The following EIF3H variants were observed in gnomAD, a reference collection of about 807,000 sequenced individuals.
EIF3H encodes the protein eIF-3-gamma.
A neutral mutation model predicts 44.2 loss-of-function variants in EIF3H; 26 were observed. That is an observed-to-expected ratio of 0.59 (90% confidence interval 0.43 to 0.82). The LOEUF is 0.82. Among genes scored for constraint, EIF3H ranks in the 40% least tolerant of loss-of-function variants. EIF3H has a pLI of 0.00. For missense variants in EIF3H, 359 were observed against 432.8 expected (o/e 0.83, Z 1.51); for synonymous variants, 166 against 151.9 (o/e 1.09, Z -0.68).
intron 1 of EIF3H, among the ~76,000 whole-genome samples, chr8:116,748,630 G>A (rs1397560019): frequency 6.6e-6 from 1 of 152,180 alleles, no homozygotes; most frequent in Non-Finnish European, 1.5e-5. Flanking sequence ...TAGACCCTTA[G>A]AAATACTGTA....
intron 1 of EIF3H, among the ~76,000 whole-genome samples, chr8:116,745,400 T>G (rs1815214565): frequency 6.6e-6 from 1 of 152,214 alleles, no homozygotes; most frequent in African/African-American, 2.4e-5. Flanking sequence ...CATAACTGAT[T>G]TATTAAGTCA....
intron 2 of EIF3H, among the ~76,000 whole-genome samples, chr8:116,678,125 G>C (rs1266430885): frequency 6.7e-5 from 10 of 150,142 alleles, no homozygotes; most frequent in African/African-American, 2.0e-4. Flanking sequence ...GAGTGCCTGC[G>C]ATTGCAGGCG....
chr8:116,655,728 T>C, intron 5 of EIF3H, 128 bp downstream of exon 5: 2 of 971,570 alleles, frequency 2.1e-6, no homozygotes, highest in South Asian at 1.5e-5. Flanking sequence ...CTCCATGTTA[T>C]ACATGTTTTA....
chr8:116,703,617 T>C (rs1039706626), intron 2 of EIF3H, among the ~76,000 whole-genome samples: 2 of 152,182 alleles, frequency 1.3e-5, no homozygotes, highest in Admixed American at 1.3e-4. Flanking sequence ...CTGTCCTCTC[T>C]CTCTCTCCGC....
At chr8:116,719,157 A>G (rs1462342226) in intron 2 of EIF3H, among the ~76,000 whole-genome samples, 2 of 152,216 alleles carry the variant, frequency 1.3e-5, no homozygotes, top group Non-Finnish European at 2.9e-5. Flanking sequence ...TGTGAGGACA[A>G]CGGATTGAGA....
chr8:116,721,922 G>C (rs1814753026), intron 2 of EIF3H, among the ~76,000 whole-genome samples: 1 of 152,228 alleles, frequency 6.6e-6, no homozygotes, highest in African/African-American at 2.4e-5. Context: ...CCTTGTTTCA[G>C]ATGAGACTTT....
At chr8:116,691,708 C>T (rs1814177363) in intron 2 of EIF3H, among the ~76,000 whole-genome samples, 1 of 152,086 alleles carries the variant, frequency 6.6e-6, no homozygotes, top group Non-Finnish European at 1.5e-5. Context: ...AAGCCCGTCT[C>T]TACTAAAAAT....
chr8:116,652,303 G>A (rs1813407556), intron 5 of EIF3H, among the ~76,000 whole-genome samples: 1 of 152,150 alleles, frequency 6.6e-6, no homozygotes, highest in African/African-American at 2.4e-5. Context: ...TATAATGGGT[G>A]GAACACCACA....
At chr8:116,649,046 T>C (rs1025000439) in intron 5 of EIF3H, 120 bp from the exon 6 acceptor site, 15 of 814,880 alleles carry the variant, frequency 1.8e-5, no homozygotes, top group Non-Finnish European at 2.5e-5. Flanking sequence ...AGAGCACACA[T>C]ATGCATAAAA....
chr8:116,740,903 A>G (rs534369568), intron 1 of EIF3H, among the ~76,000 whole-genome samples: 8 of 152,180 alleles, frequency 5.3e-5, no homozygotes, highest in African/African-American at 1.9e-4. Context: ...TTCCTCCTAT[A>G]AAGACAGTAC....
chr8:116,731,009 T>A (rs1814941938), intron 1 of EIF3H, among the ~76,000 whole-genome samples: 1 of 152,326 alleles, frequency 6.6e-6, no homozygotes, highest in Admixed American at 6.5e-5. Flanking sequence ...TACTTCACAA[T>A]AAATGAGTGA....
chr8:116,734,167 A>T (rs1232341681), intron 1 of EIF3H: 2 of 420,972 alleles, frequency 4.8e-6, no homozygotes, highest in African/African-American at 4.1e-5. Flanking sequence ...CTCACACTTT[A>T]GGAGCCACTA....
At chr8:116,730,827 G>A (rs945817743) in intron 1 of EIF3H, among the ~76,000 whole-genome samples, 2 of 152,174 alleles carry the variant, frequency 1.3e-5, no homozygotes, top group African/African-American at 4.8e-5. Context: ...TATCACTTAT[G>A]ATATGTCAAG....
chr8:116,755,762 G>C lies in EIF3H; in HGVS notation c.36C>G (p.Ala12=). The C allele has an allele frequency of 6.2e-7, 1 of 1,614,102 alleles. No individual in the cohort carries two copies. The highest frequency in any genetic ancestry group is 8.5e-7 in the Non-Finnish European group (1 of 1,180,002). ...CGCCGGCGGTGGAGCTGGAAGAGGT[G>C]GCAGTAGAGCCGGTACCTTCCTTGC... ...ASRKEGTGST[A]TSSSSTAGAA... is the part of the protein sequence containing the mutation. Residue 12 remains alanine, a synonymous_variant, in exon 1 of 8, where the codon GCC becomes GCG. Coordinates refer to ENST00000521861, the MANE Select transcript of EIF3H (RefSeq NM_003756.3).
chr8:116,723,793 C>G (rs1246672113), intron 2 of EIF3H, among the ~76,000 whole-genome samples: 2 of 152,052 alleles, frequency 1.3e-5, no homozygotes, highest in African/African-American at 2.4e-5. Flanking sequence ...GCAAAACACT[C>G]GTAAACTGAA....
In EIF3H at chr8:116,685,574, G is replaced by A. The variant is rs544511471; in HGVS notation, c.290-26594C>T. On this transcript the variant is annotated intron_variant, in intron 2 of 7. Transcript: ENST00000521861. ...ACAGGATGTATGCTGTTGCTTGTCT[G>A]TGATTCATCAATCTATTCTGCTTTT... is the stretch of plus-strand genomic sequence containing the variant. Among the ~76,000 whole-genome samples the A allele has an allele frequency of 1.4e-4, 21 of 152,212 alleles. No individual in the cohort carries two copies. In the South Asian group the frequency reaches 3.9e-3, roughly 29 times the overall value.
intron 1 of EIF3H, among the ~76,000 whole-genome samples, chr8:116,750,403 C>CTTTTTTTT (rs771136977): frequency 7.7e-6 from 1 of 129,714 alleles, no homozygotes; most frequent in East Asian, 2.2e-4. Context: ...TTTAGCATGA[C>CTTTTTTTT]TTTTTTTTTT....
At chr8:116,701,547 C>A (rs990790525) in intron 2 of EIF3H, among the ~76,000 whole-genome samples, 1 of 152,120 alleles carries the variant, frequency 6.6e-6, no homozygotes, top group Non-Finnish European at 1.5e-5. Flanking sequence ...AGTGAAGAAA[C>A]CTGGCAGTCA....
chr8:116,753,945 A>G (rs551163743), intron 1 of EIF3H, among the ~76,000 whole-genome samples: 9 of 152,184 alleles, frequency 5.9e-5, no homozygotes, highest in Non-Finnish European at 1.2e-4. Context: ...AGAAATAAAC[A>G]TTTCCCAAGT....
Sources: allele counts gnomAD v4.1 joint callset (sites outside exome capture counted in the v4.1 genomes callset), GRCh38; gene constraint gnomAD v4.1.1; transcripts MANE v1.5; gene names NCBI Gene and HGNC (gene_info 2026-07-23, HGNC 2026-07-21).